EML6: variants seen among roughly 807,000 people sequenced by gnomAD.
EML6 encodes echinoderm microtubule-associated protein-like 6.
EML6 carries 154 observed loss-of-function variants against 240.1 expected under a neutral mutation model. The ratio of observed to expected loss-of-function variants is 0.64; its 90% confidence interval spans 0.56 to 0.73. The LOEUF (loss-of-function observed/expected upper bound fraction) is 0.73. Among genes scored for constraint, EML6 ranks in the 30% least tolerant of loss-of-function variants. EML6 has a pLI of 0.00. For synonymous variants in EML6, 1,148 were observed against 899.0 expected (o/e 1.28, Z -4.95); for missense variants, 2,964 against 2,474.6 (o/e 1.20, Z -4.20).
chr2:54,844,763 G>A (rs182616360), intron 8 of EML6, among the ~76,000 whole-genome samples: 89 of 152,312 alleles, frequency 5.8e-4, no homozygotes, highest in African/African-American at 2.0e-3. Context: ...GCCTGAGAAA[G>A]TAGTTTACTC....
rs1315355508 is a variant in EML6, at chr2:54,957,906, C to G, written c.4603C>G (p.Leu1535Val). ...VGVKHMKFWTLAGSALLYKKG... is the reference protein window; with the variant it reads ...VGVKHMKFWTVAGSALLYKKG... ...GGTCAAACATATGAAGTTCTGGACCCTGGCAGGCAGCGCCTTGCTTTACAA... is the reference window on the plus strand; with the variant it reads ...GGTCAAACATATGAAGTTCTGGACCGTGGCAGGCAGCGCCTTGCTTTACAA... The change falls in exon 33 of 42, where the codon CTG (leucine) becomes GTG (valine). Residue 1535 changes from leucine to valine, a missense_variant. Coordinates refer to ENST00000356458, the MANE Select transcript of EML6 (RefSeq NM_001039753.4). 47 of 1,551,554 alleles carry G rather than the reference C, an allele frequency of 3.0e-5. No homozygotes were observed. Among genetic ancestry groups the G allele is most frequent in the Non-Finnish European group, 4.0e-5 (46 of 1,147,018 alleles).
chr2:54,836,110 A>C (rs1323759995), intron 7 of EML6, among the ~76,000 whole-genome samples: 1 of 152,182 alleles, frequency 6.6e-6, no homozygotes, highest in Non-Finnish European at 1.5e-5. Context: ...AGAACACTGC[A>C]GAGGCCCGAG....
chr2:54,906,618 G>T (rs1198440745), intron 24 of EML6, among the ~76,000 whole-genome samples: 1 of 152,198 alleles, frequency 6.6e-6, no homozygotes, highest in Non-Finnish European at 1.5e-5. Flanking sequence ...AGGTGAGGGG[G>T]TCAGACCAAG....
intron 12 of EML6, among the ~76,000 whole-genome samples, chr2:54,863,575 A>G (rs995544445): frequency 2.6e-5 from 4 of 152,160 alleles, no homozygotes; most frequent in African/African-American, 7.2e-5. Context: ...AAGTTGGCCT[A>G]GTCTGTTAAT....
chr2:54,804,402 C>T (rs1473680513), intron 2 of EML6, among the ~76,000 whole-genome samples: 1 of 152,226 alleles, frequency 6.6e-6, no homozygotes, highest in Non-Finnish European at 1.5e-5. Context: ...TTCTCATTAG[C>T]AAATTGTTGT....
At chr2:54,743,273 C>T (rs1396812434) in intron 2 of EML6, among the ~76,000 whole-genome samples, 3 of 152,132 alleles carry the variant, frequency 2.0e-5, no homozygotes, top group South Asian at 2.1e-4. Context: ...TGAACATGCA[C>T]ATCTTTGGAA....
intron 41 of EML6, among the ~76,000 whole-genome samples, 158 bp downstream of exon 41, chr2:54,968,926 C>T (rs544151563): frequency 2.8e-4 from 42 of 152,284 alleles, no homozygotes; most frequent in African/African-American, 9.6e-4. Context: ...AAGGCAAGTA[C>T]TTTCCAAGAT....
chr2:54,846,713 G>C (rs1228681431), intron 8 of EML6, among the ~76,000 whole-genome samples: 1 of 151,886 alleles, frequency 6.6e-6, no homozygotes, highest in East Asian at 1.9e-4. Context: ...TGAACTCCTG[G>C]GCTCAAGCAA....
intron 30 of EML6, among the ~76,000 whole-genome samples, 170 bp from the exon 31 acceptor site, chr2:54,952,424 C>CA (rs909675527): frequency 1.3e-5 from 2 of 151,136 alleles, no homozygotes; most frequent in Non-Finnish European, 3.0e-5. Context: ...ATGAACATTC[C>CA]AAAAAAACGA....
intron 28 of EML6, among the ~76,000 whole-genome samples, chr2:54,944,765 A>G (rs1248063631): frequency 6.6e-6 from 1 of 152,086 alleles, no homozygotes; most frequent in Non-Finnish European, 1.5e-5. Flanking sequence ...CCCATCACTA[A>G]GTATCTCTGT....
At chr2:54,833,574 A>G (rs1668984779) in intron 7 of EML6, among the ~76,000 whole-genome samples, 1 of 152,252 alleles carries the variant, frequency 6.6e-6, no homozygotes, top group Non-Finnish European at 1.5e-5. Context: ...ATTCACATCA[A>G]GAATTGGTTA....
intron 5 of EML6, among the ~76,000 whole-genome samples, chr2:54,820,856 A>G (rs1166132388): frequency 1.3e-5 from 2 of 152,178 alleles, no homozygotes; most frequent in African/African-American, 4.8e-5. Flanking sequence ...TGTTCCCTTA[A>G]AAGAAAGGTG....
At chr2:54,853,153 C>T (rs575422204) in intron 10 of EML6, among the ~76,000 whole-genome samples, 3 of 152,150 alleles carry the variant, frequency 2.0e-5, no homozygotes, top group East Asian at 3.9e-4. Flanking sequence ...AATAGAAGTT[C>T]AGGATGAACT....
intron 5 of EML6, among the ~76,000 whole-genome samples, chr2:54,824,140 T>C (rs541675346): frequency 2.0e-5 from 3 of 152,310 alleles, no homozygotes; most frequent in Admixed American, 1.3e-4. Context: ...GCTTAATTGA[T>C]AGAATTCTCC....
At chr2:54,799,721 G>A (rs1449648865) in intron 2 of EML6, among the ~76,000 whole-genome samples, 2 of 152,110 alleles carry the variant, frequency 1.3e-5, no homozygotes, top group Admixed American at 1.3e-4. Context: ...AGAGTAAAAC[G>A]CTTACTATCT....
chr2:54,824,066 C>G (rs1265433011), intron 5 of EML6, among the ~76,000 whole-genome samples: 2 of 152,130 alleles, frequency 1.3e-5, no homozygotes, highest in Non-Finnish European at 2.9e-5. Flanking sequence ...GCTCTTTACA[C>G]TGAGAAATTT....
intron 2 of EML6, among the ~76,000 whole-genome samples, chr2:54,739,102 A>G (rs1572841655): frequency 6.6e-6 from 1 of 152,358 alleles, no homozygotes; most frequent in East Asian, 1.9e-4. Context: ...TTTCTCATGT[A>G]TAAAGTAAAA....
intron 2 of EML6, among the ~76,000 whole-genome samples, chr2:54,784,694 CT>C (rs774138388): frequency 2.0e-5 from 3 of 151,570 alleles, no homozygotes; most frequent in Non-Finnish European, 4.4e-5. Flanking sequence ...ATACTGTATT[CT>C]TTTTTTTTAA....
intron 21 of EML6, among the ~76,000 whole-genome samples, chr2:54,896,791 T>A (rs1442210897): frequency 3.3e-5 from 5 of 152,118 alleles, no homozygotes; most frequent in Non-Finnish European, 7.3e-5. Flanking sequence ...GAAACACATG[T>A]GCATATACAC....
Sources: allele counts gnomAD v4.1 joint callset (sites outside exome capture counted in the v4.1 genomes callset), GRCh38; gene constraint gnomAD v4.1.1; transcripts MANE v1.5; gene names NCBI Gene and HGNC (gene_info 2026-07-23, HGNC 2026-07-21).